The following PDLIM2 variants were observed in gnomAD, a reference collection of about 807,000 sequenced individuals.
PDLIM2 encodes the protein PDZ and LIM domain 2, also known as PDZ and LIM domain protein 2.
A neutral mutation model predicts 54.1 loss-of-function variants in PDLIM2; 51 were observed. That is an observed-to-expected ratio of 0.94 (90% CI 0.75 to 1.19). PDLIM2 has a LOEUF of 1.19. Among genes scored for constraint, PDLIM2 ranks in the 50% most tolerant of loss-of-function variants. The pLI is 0.00. For synonymous variants in PDLIM2, 398 were observed against 385.6 expected (o/e 1.03, Z -0.38); for missense variants, 912 against 874.0 (o/e 1.04, Z -0.55).
chr8:22,587,431 C>G (rs1193318488), intron 6 of PDLIM2, among the ~76,000 whole-genome samples: 1 of 152,066 alleles, frequency 6.6e-6, no homozygotes, highest in Non-Finnish European at 1.5e-5. Flanking sequence ...AGAAAGAAAC[C>G]CACTTAATTT....
intron 6 of PDLIM2, chr8:22,588,863 T>G: frequency 1.4e-5 from 3 of 208,860 alleles, no homozygotes; most frequent in African/African-American, 2.4e-5. Flanking sequence ...CTTCATCCCT[T>G]TATGTTTCTA....
At chr8:22,581,993 G>C (rs1036852901) in intron 3 of PDLIM2, among the ~76,000 whole-genome samples, 6 of 152,204 alleles carry the variant, frequency 3.9e-5, no homozygotes, top group African/African-American at 1.4e-4. Context: ...CCTCATAGAG[G>C]CTGTCTGTTC....
chr8:22,594,723 C>A (rs966084242), downstream of PDLIM2: 1 of 1,527,656 alleles, frequency 6.5e-7, no homozygotes. Flanking sequence ...CTACCGACAC[C>A]TTCCACTTCT....
exon 5 of PDLIM2, chr8:22,585,021 C>G: frequency 6.2e-7 from 1 of 1,613,912 alleles, no homozygotes; most frequent in Non-Finnish European, 8.5e-7. Context: ...CCACAGGGCT[C>G]CGTGAGGACA....
At chr8:22,584,915 G>A in intron 4 of PDLIM2, 25 bp downstream of exon 3, 2 of 1,614,016 alleles carry the variant, frequency 1.2e-6, no homozygotes, top group Non-Finnish European at 8.5e-7. Context: ...TCCCCTGACA[G>A]CCTCAGCACC....
exon 1 of PDLIM2, chr8:22,579,288 C>A: frequency 7.2e-7 from 1 of 1,382,350 alleles, no homozygotes; most frequent in South Asian, 1.6e-5. Flanking sequence ...CTCCTCTCCG[C>A]GCCCCTGTCG....
exon 1 of PDLIM2, chr8:22,578,769 A>G (rs1800104470): frequency 1.6e-6 from 2 of 1,233,824 alleles, no homozygotes; most frequent in African/African-American, 1.5e-5. Context: ...CACCCTGCCC[A>G]GGACCTGGGG....
chr8:22,596,937 G>C (rs1193436887), downstream of PDLIM2: 1 of 152,246 alleles, frequency 6.6e-6, no homozygotes, highest in African/African-American at 2.4e-5. Flanking sequence ...CTGCCTCCCA[G>C]GTTTCTGGCT....
At chr8:22,584,150 C>A (rs868129143) in intron 3 of PDLIM2, among the ~76,000 whole-genome samples, 3 of 151,044 alleles carry the variant, frequency 2.0e-5, no homozygotes, top group South Asian at 4.2e-4. Context: ...TACAGGCATG[C>A]GTCACTATGG....
chr8:22,578,855 G>T (rs534444577), exon 1 of PDLIM2: 1 of 1,234,672 alleles, frequency 8.1e-7, no homozygotes, highest in Non-Finnish European at 1.0e-6. Context: ...GAAGTGGGGC[G>T]CGGGGCAGTC....
intron 8 of PDLIM2, 138 bp downstream of exon 7, chr8:22,589,879 C>G (rs773841769): frequency 2.2e-5 from 27 of 1,235,662 alleles, no homozygotes; most frequent in Non-Finnish European, 2.8e-5. Context: ...CCGAGCAGAG[C>G]GCGAAGCCCC....
rs1358839265 is a variant in PDLIM2, at chr8:22,578,927, C to G, written c.148C>G (p.Arg50Gly). The G allele has an allele frequency of 1.6e-6, 2 of 1,237,814 alleles. No homozygotes were observed. The highest frequency in any genetic ancestry group is 2.0e-6 in the Non-Finnish European group (2 of 991,378). 76.7% of individuals were successfully genotyped at this position (1,237,814 alleles called of 1,614,324 possible). The change falls in exon 1 of 10, where the codon CGG becomes GGG. Residue 50 changes from arginine to glycine, a missense_variant. Coordinates refer to ENST00000308354, the Ensembl canonical transcript of PDLIM2. ...GCTTGCGGGCGCTCCGGGGAGGATGCGGGCACCACCGGCTGGACGGTCGCA... is the reference window on the plus strand; with the variant it reads ...GCTTGCGGGCGCTCCGGGGAGGATGGGGGCACCACCGGCTGGACGGTCGCA...
exon 10 of PDLIM2, chr8:22,593,841 C>T (rs373115687): frequency 9.1e-5 from 144 of 1,585,056 alleles, no homozygotes; most frequent in Non-Finnish European, 1.1e-4. Flanking sequence ...GGGTGGGTGA[C>T]GAGCTGTACT....
exon 10 of PDLIM2, chr8:22,594,199 A>C (rs770919718): frequency 1.8e-5 from 25 of 1,402,094 alleles, no homozygotes; most frequent in Non-Finnish European, 2.2e-5. Context: ...GGTCGAACAC[A>C]GAAGTGGGAA....
At chr8:22,590,740 TG>T (rs1296211363) in intron 8 of PDLIM2, 3 of 152,150 alleles carry the variant, frequency 2.0e-5, no homozygotes. Flanking sequence ...TCCCAGTGGC[TG>T]GTGTGGGCTC....
intron 1 of PDLIM2, 41 bp from the exon 1 acceptor site, chr8:22,580,434 T>G (rs1800154513): frequency 2.8e-6 from 4 of 1,438,194 alleles, no homozygotes; most frequent in Non-Finnish European, 3.7e-6. Flanking sequence ...GAAACCGGGC[T>G]GAGGGAGGGA....
At chr8:22,596,039 C>T (rs940789285), downstream of PDLIM2, 2 of 152,492 alleles carry the variant, frequency 1.3e-5, no homozygotes, top group African/African-American at 4.8e-5. Context: ...AAGCCATCCT[C>T]CCACCTTGGC....
At chr8:22,580,192 G>C (rs1800147569) in intron 1 of PDLIM2, 1 of 310,770 alleles carries the variant, frequency 3.2e-6, no homozygotes, top group Admixed American at 4.7e-5. Flanking sequence ...AGTACCGTGT[G>C]CTGTGGGTTT....
At chr8:22,591,283 G>A (rs1192555450) in intron 8 of PDLIM2, 107 of 540,542 alleles carry the variant, frequency 2.0e-4, no homozygotes, top group Non-Finnish European at 1.3e-5. Context: ...TAGAGAGGGA[G>A]CACCTGCTTC....
Sources: allele counts gnomAD v4.1 joint callset (sites outside exome capture counted in the v4.1 genomes callset), GRCh38; gene constraint gnomAD v4.1.1; transcripts MANE v1.5; gene names NCBI Gene and HGNC (gene_info 2026-07-23, HGNC 2026-07-21).